PAPPA: variants seen among roughly 807,000 people sequenced by gnomAD.
The protein encoded by PAPPA is pappalysin 1.
Under a neutral mutation model 164.0 loss-of-function variants are expected in PAPPA, and 60 were observed. The ratio of observed to expected loss-of-function variants is 0.37; its 90% CI spans 0.30 to 0.45. The LOEUF is 0.45. Ranked by LOEUF, PAPPA falls within the 20% of genes least tolerant of loss-of-function variation. The pLI, the probability that PAPPA is intolerant of heterozygous loss-of-function variation, is 1.00. For missense variants in PAPPA, 1,782 were observed against 2,087.3 expected (o/e 0.85, Z 2.85); for synonymous variants, 875 against 814.1 (o/e 1.07, Z -1.27).
chr9:116,181,091 C>T (rs1202406365), intron 1 of PAPPA, among the ~76,000 whole-genome samples: 2 of 152,164 alleles, frequency 1.3e-5, no homozygotes, highest in Admixed American at 6.5e-5. Context: ...TGAGACATTG[C>T]ATTGTAACAA....
At chr9:116,231,692 TGG>T (rs1418445378) in intron 6 of PAPPA, among the ~76,000 whole-genome samples, 5 of 150,646 alleles carry the variant, frequency 3.3e-5, no homozygotes, top group African/African-American at 1.2e-4. Context: ...GATGGATGGA[TGG>T]ATGGATGGAT....
At chr9:116,365,875 C>T (rs925948636) in intron 18 of PAPPA, among the ~76,000 whole-genome samples, 7 of 152,036 alleles carry the variant, frequency 4.6e-5, no homozygotes, top group Non-Finnish European at 8.8e-5. Flanking sequence ...GCACTGTTAT[C>T]GATTGTGGGG....
At chr9:116,260,206 T>G (rs1844984843) in intron 7 of PAPPA, among the ~76,000 whole-genome samples, 1 of 152,188 alleles carries the variant, frequency 6.6e-6, no homozygotes, top group East Asian at 1.9e-4. Flanking sequence ...TTGATCAGTA[T>G]TTATTCCTTT....
intron 9 of PAPPA, among the ~76,000 whole-genome samples, chr9:116,295,702 G>A (rs1405859526): frequency 2.0e-5 from 3 of 152,030 alleles, no homozygotes; most frequent in Admixed American, 2.0e-4. Flanking sequence ...AGGATTTACT[G>A]CATTCCCTTA....
chr9:116,389,810 GT>G (rs59843125), intron 21 of PAPPA, among the ~76,000 whole-genome samples: 6,464 of 145,204 alleles, frequency 0.045, 190 homozygotes, highest in Admixed American at 0.084. Flanking sequence ...TTTGCCTTCT[GT>G]TTTTTTTTTT....
chr9:116,154,938 A>G lies in PAPPA; in HGVS notation c.415+351A>G, dbSNP rs1196912954. 1.3e-5 allele frequency among the ~76,000 whole-genome samples: 2 copies of G among 152,166 alleles called. No individual in the cohort carries two copies. The highest frequency in any genetic ancestry group is 2.9e-5 in the Non-Finnish European group (2 of 68,030). On this transcript the variant is annotated intron_variant, in intron 1 of 21. Transcript: ENST00000328252. This position sits in a 1 kb window ranked among gnomAD's most constrained non-coding sequence, Gnocchi z 5.2. ...CTCTCCTTTTGGGATGAAAGGGAGG[A>G]TGACCCAATTGAGATGCATGTGAAA...
At position 116,154,640 on chromosome 9, in the gene PAPPA, T is replaced by TCGCGGGTGTCTGGG. The variant is rs1218845496; in HGVS notation, c.415+62_415+75dup. On this transcript the variant is annotated intron_variant, in intron 1 of 21. Transcript: ENST00000328252. The surrounding 1 kb of genome is among the most constrained non-coding windows in gnomAD (Gnocchi z 5.2). Reference sequence around the variant, plus strand: ...GCACCGTCCCTGCGGCCCCAGAGGCTCGCGGGTGTCTGGGCGCGGGTGGCG... The same window carrying TCGCGGGTGTCTGGG: ...GCACCGTCCCTGCGGCCCCAGAGGCTCGCGGGTGTCTGGGCGCGGGTGTCTGGGCGCGGGTGGCG... The TCGCGGGTGTCTGGG allele has an allele frequency of 1.6e-6, 2 of 1,274,620 alleles. No homozygotes were observed. The highest frequency in any genetic ancestry group is 3.2e-5 in the East Asian group (1 of 31,516). 79.0% of individuals were successfully genotyped at this position (1,274,620 alleles called of 1,614,324 possible).
At chr9:116,315,664 G>A (rs949344093) in intron 10 of PAPPA, among the ~76,000 whole-genome samples, 3 of 152,098 alleles carry the variant, frequency 2.0e-5, no homozygotes, top group Non-Finnish European at 4.4e-5. Context: ...ACTTGAGAAT[G>A]TGGTTCACCT....
Position 116,207,472 on chromosome 9 carries a change from A to G in PAPPA, c.1495A>G (p.Asn499Asp), listed in dbSNP as rs781179562. 1.2e-6 allele frequency: 2 copies of G among 1,612,090 alleles called. No homozygotes were observed. Among genetic ancestry groups the G allele is most frequent in the South Asian group, 2.2e-5 (2 of 90,650 alleles). The change falls in exon 3 of 22, where the codon AAT becomes GAT. Residue 499 changes from asparagine (N) to aspartate (D), a missense_variant. Coordinates refer to ENST00000328252, the MANE Select transcript of PAPPA (RefSeq NM_002581.5). ...DSPHRAYLDV[N>D]ELKNILKLDG... ...CTGTTTCAGAGCCTACTTGGATGTT[A>G]ATGAGCTGAAGAACATTCTTAAATT... is the stretch of plus-strand genomic sequence containing the variant.
At chr9:116,313,617 G>A (rs1004236760) in intron 10 of PAPPA, among the ~76,000 whole-genome samples, 5 of 152,156 alleles carry the variant, frequency 3.3e-5, no homozygotes, top group Admixed American at 6.5e-5. Flanking sequence ...GAGCAAAATT[G>A]TATCAGTGTT....
At chr9:116,227,652 G>A in intron 6 of PAPPA, 100 bp downstream of exon 6, 1 of 1,231,850 alleles carries the variant, frequency 8.1e-7, no homozygotes, top group Non-Finnish European at 1.1e-6. Flanking sequence ...TCTTTGCCAT[G>A]TATCATTTCA....
chr9:116,264,673 T>TC (rs1468297176), intron 7 of PAPPA, among the ~76,000 whole-genome samples: 1 of 152,014 alleles, frequency 6.6e-6, no homozygotes, highest in Non-Finnish European at 1.5e-5. Flanking sequence ...GTTTATGAAA[T>TC]CCCCCCCAAT....
At chr9:116,293,881 C>T (rs954726136) in intron 9 of PAPPA, among the ~76,000 whole-genome samples, 15 of 152,120 alleles carry the variant, frequency 9.9e-5, no homozygotes, top group South Asian at 6.2e-4. Flanking sequence ...CTTGAACCCA[C>T]GGAGGTTGCA....
intron 18 of PAPPA, among the ~76,000 whole-genome samples, chr9:116,365,017 A>C (rs1846481090): frequency 6.6e-6 from 1 of 152,184 alleles, no homozygotes; most frequent in Non-Finnish European, 1.5e-5. Flanking sequence ...TGAGAATGAG[A>C]AACAAGGCAG....
At chr9:116,175,540 C>G (rs1368857926) in intron 1 of PAPPA, among the ~76,000 whole-genome samples, 2 of 152,204 alleles carry the variant, frequency 1.3e-5, no homozygotes, top group East Asian at 3.9e-4. Flanking sequence ...ATAATACAAA[C>G]TTAAAAGAAG....
chr9:116,309,383 C>T (rs574101542), intron 10 of PAPPA, among the ~76,000 whole-genome samples: 1 of 152,222 alleles, frequency 6.6e-6, no homozygotes, highest in African/African-American at 2.4e-5. Context: ...GCCAGATGTG[C>T]ATATTTTCTG....
rs566363789 is a variant in PAPPA, at chr9:116,176,783, T to C, written c.416-10371T>C. ...TATATTCTTTTAAACTTTAAACATATGTGCATGAACATACACACAAGCAAA... is the reference window on the plus strand; with the variant it reads ...TATATTCTTTTAAACTTTAAACATACGTGCATGAACATACACACAAGCAAA... On this transcript the variant is annotated intron_variant, in intron 1 of 21. Transcript: ENST00000328252. Among the ~76,000 whole-genome samples the C allele has an allele frequency of 2.6e-5, 4 of 152,316 alleles. No individual in the cohort carries two copies. The South Asian group carries it at 6.2e-4, about 24-fold the overall frequency.
At chr9:116,213,995 T>C (rs928089143) in intron 4 of PAPPA, among the ~76,000 whole-genome samples, 10 of 152,190 alleles carry the variant, frequency 6.6e-5, no homozygotes, top group Non-Finnish European at 1.5e-4. Flanking sequence ...CAACTTCTTC[T>C]CGTTGCTTTA....
At chr9:116,309,520 C>T (rs1202097809) in intron 10 of PAPPA, among the ~76,000 whole-genome samples, 1 of 152,128 alleles carries the variant, frequency 6.6e-6, no homozygotes, top group Non-Finnish European at 1.5e-5. Flanking sequence ...GAAATCTTTC[C>T]ACGTACACTT....
Sources: allele counts gnomAD v4.1 joint callset (sites outside exome capture counted in the v4.1 genomes callset), GRCh38; gene constraint gnomAD v4.1.1; non-coding constraint Gnocchi (gnomAD v3.1); transcripts MANE v1.5; gene names NCBI Gene and HGNC (gene_info 2026-07-23, HGNC 2026-07-21).